The following IFT80 variants were observed in gnomAD, a reference collection of about 807,000 sequenced individuals.
IFT80 encodes the protein intraflagellar transport protein 80 homolog.
A neutral mutation model predicts 107.9 loss-of-function variants in IFT80; 79 were observed. That is an observed-to-expected ratio of 0.73 (90% CI 0.61 to 0.88). IFT80 has a LOEUF of 0.88. Among genes scored for constraint, IFT80 ranks in the 40% least tolerant of loss-of-function variants. The pLI is 0.00. For synonymous variants in IFT80, 299 were observed against 300.9 expected (o/e 0.99, Z 0.07); for missense variants, 797 against 914.2 (o/e 0.87, Z 1.65).
At chr3:160,342,557 C>G (rs1719990432) in intron 8 of IFT80, 1 of 152,126 alleles carries the variant, frequency 6.6e-6, no homozygotes, top group Non-Finnish European at 1.5e-5. Context: ...CCAACCTCAC[C>G]CTTCTCTTTA....
intron 8 of IFT80, among the ~76,000 whole-genome samples, chr3:160,327,890 G>C (rs191211914): frequency 2.0e-5 from 3 of 151,934 alleles, no homozygotes; most frequent in East Asian, 1.9e-4. Context: ...CCATCAACAG[G>C]GTAAAGAGAC....
Position 160,360,808 on chromosome 3 carries a change from T to G in IFT80, c.550-3230A>C, listed in dbSNP as rs541973296. Reference sequence around the variant, plus strand: ...AAATCCTTTACAGACAAGCAAATGCTGAGAGATTTTGTCACCACCAGGCCT... The same window carrying G: ...AAATCCTTTACAGACAAGCAAATGCGGAGAGATTTTGTCACCACCAGGCCT... On this transcript the variant is annotated intron_variant, in intron 6 of 19. Coordinates refer to ENST00000326448, the MANE Select transcript of IFT80 (RefSeq NM_020800.3). Among the ~76,000 whole-genome samples the G allele has an allele frequency of 2.6e-5, 4 of 152,250 alleles. No individual in the cohort carries two copies. In the South Asian group the frequency reaches 8.3e-4, roughly 32 times the overall value.
chr3:160,334,124 T>C (rs1719287586), intron 8 of IFT80, among the ~76,000 whole-genome samples: 1 of 152,182 alleles, frequency 6.6e-6, no homozygotes, highest in African/African-American at 2.4e-5. Flanking sequence ...TTCAAAAATA[T>C]AGATTTGAAT....
chr3:160,321,445 A>G (rs543257381), intron 8 of IFT80, among the ~76,000 whole-genome samples: 2 of 152,016 alleles, frequency 1.3e-5, no homozygotes, highest in East Asian at 3.9e-4. Flanking sequence ...CAGAGATCTT[A>G]GTTTAATTTC....
intron 9 of IFT80, among the ~76,000 whole-genome samples, chr3:160,317,576 T>C (rs1287607533): frequency 6.6e-6 from 1 of 152,124 alleles, no homozygotes; most frequent in Non-Finnish European, 1.5e-5. Context: ...ATTAGTTGAT[T>C]AGAACTCACA....
At chr3:160,285,616 T>C (rs1367059146) in intron 13 of IFT80, among the ~76,000 whole-genome samples, 188 bp downstream of exon 13, 5 of 152,216 alleles carry the variant, frequency 3.3e-5, no homozygotes, top group Non-Finnish European at 7.3e-5. Flanking sequence ...TAGCTTCCTA[T>C]CACAAACTTT....
chr3:160,342,398 T>C (rs1719973880), intron 8 of IFT80, among the ~76,000 whole-genome samples: 2 of 152,228 alleles, frequency 1.3e-5, no homozygotes, highest in Non-Finnish European at 1.5e-5. Flanking sequence ...CAAAAAGTGA[T>C]ACATTCCTTT....
intron 10 of IFT80, among the ~76,000 whole-genome samples, chr3:160,306,875 G>A (rs556889532): frequency 3.8e-4 from 58 of 152,228 alleles, no homozygotes; most frequent in African/African-American, 1.1e-3. Context: ...GTACCCACAC[G>A]TTGGGCACTG....
intron 8 of IFT80, among the ~76,000 whole-genome samples, chr3:160,330,037 C>T (rs1252762269): frequency 6.6e-6 from 1 of 152,104 alleles, no homozygotes; most frequent in Admixed American, 6.6e-5. Context: ...AATTCATGGA[C>T]CCTACCCCAA....
intron 8 of IFT80, among the ~76,000 whole-genome samples, chr3:160,355,089 C>T (rs976336056): frequency 1.3e-5 from 2 of 152,306 alleles, no homozygotes; most frequent in South Asian, 2.1e-4. Context: ...GGTACTTCAA[C>T]GAACAATTCA....
At chr3:160,299,118 A>G (rs1559926259) in intron 12 of IFT80, 29 of 988,712 alleles carry the variant, frequency 2.9e-5, no homozygotes. Context: ...GAAAACAAAA[A>G]TCTGGCTTCC....
At chr3:160,281,358 A>G (rs1287030397) in intron 14 of IFT80, among the ~76,000 whole-genome samples, 1 of 152,202 alleles carries the variant, frequency 6.6e-6, no homozygotes, top group African/African-American at 2.4e-5. Flanking sequence ...AAGCAGTTAC[A>G]GAAGACTGAC....
At chr3:160,303,461 T>C (rs1716591567) in intron 11 of IFT80, among the ~76,000 whole-genome samples, 1 of 152,142 alleles carries the variant, frequency 6.6e-6, no homozygotes, top group South Asian at 2.1e-4. Flanking sequence ...CCAAAGAGTT[T>C]CAACCAATAT....
chr3:160,338,664 G>A (rs1455329018), intron 8 of IFT80, among the ~76,000 whole-genome samples: 2 of 150,806 alleles, frequency 1.3e-5, no homozygotes, highest in African/African-American at 4.9e-5. Flanking sequence ...AAGGAGATGA[G>A]TGAGAACCCA....
At chr3:160,291,260 T>C (rs530840666) in intron 12 of IFT80, among the ~76,000 whole-genome samples, 1 of 152,188 alleles carries the variant, frequency 6.6e-6, no homozygotes, top group South Asian at 2.1e-4. Flanking sequence ...AACCGAAGAA[T>C]AGAAAATAAT....
intron 12 of IFT80, among the ~76,000 whole-genome samples, chr3:160,296,705 C>T (rs549310017): frequency 1.3e-5 from 2 of 152,234 alleles, no homozygotes; most frequent in Admixed American, 1.3e-4. Flanking sequence ...AACCTTACTA[C>T]ATTGATAGAA....
chr3:160,365,848 T>C (rs762796954), intron 6 of IFT80, among the ~76,000 whole-genome samples, 195 bp downstream of exon 6: 2 of 151,866 alleles, frequency 1.3e-5, no homozygotes, highest in South Asian at 4.2e-4. Flanking sequence ...TCAAAATGAG[T>C]TGGAATAAGG....
At chr3:160,357,768 C>T (rs2108362888) in intron 6 of IFT80, among the ~76,000 whole-genome samples, 190 bp from the exon 7 acceptor site, 2 of 152,230 alleles carry the variant, frequency 1.3e-5, no homozygotes, top group Admixed American at 1.3e-4. Flanking sequence ...AATGTAAGCA[C>T]CTAGCACCTA....
At position 160,257,312 on chromosome 3, in the gene IFT80, T is replaced by C. The variant is rs1445609384; in HGVS notation, c.*1213A>G. 1 of 152,176 alleles carries C rather than the reference T, an allele frequency of 6.6e-6. No homozygotes were observed. Among genetic ancestry groups the C allele is most frequent in the Non-Finnish European group, 1.5e-5 (1 of 68,034 alleles). The allele number at this position is 152,176 out of a possible 1,614,324, so 9.4% of individuals were successfully genotyped here. On this transcript the variant is annotated 3_prime_UTR_variant, in exon 20 of 20. Coordinates refer to ENST00000326448, the MANE Select transcript of IFT80 (RefSeq NM_020800.3). The stretch of plus-strand genomic sequence containing the variant: ...CTTTGTGTGTGTGTGTATATATATA[T>C]ATATCATACATAATCCCATATCTAT...
Sources: allele counts gnomAD v4.1 joint callset (sites outside exome capture counted in the v4.1 genomes callset), GRCh38; gene constraint gnomAD v4.1.1; transcripts MANE v1.5; gene names NCBI Gene and HGNC (gene_info 2026-07-23, HGNC 2026-07-21).